Variants in ADARB2 observed in about 807,000 individuals in gnomAD.
The protein encoded by ADARB2 is adenosine deaminase RNA specific B2 (inactive), also known as inactive double-stranded RNA-specific editase B2.
In ADARB2, 25 loss-of-function variants were observed where a neutral mutation model predicts 62.2. The observed-to-expected ratio is 0.40, with a 90% confidence interval of 0.29 to 0.56. The LOEUF is 0.56. Among genes scored for constraint, ADARB2 ranks in the 20% least tolerant of loss-of-function variants. The pLI is 0.43. For missense variants in ADARB2, 1,071 were observed against 1,077.4 expected (o/e 0.99, Z 0.08); for synonymous variants, 572 against 500.8 (o/e 1.14, Z -1.90).
chr10:1,633,560 C>CTATCTA (rs1554776942), intron 1 of ADARB2, among the ~76,000 whole-genome samples: 6 of 135,304 alleles, frequency 4.4e-5, no homozygotes, highest in African/African-American at 1.4e-4. Flanking sequence ...ATCTATCTAT[C>CTATCTA]TATCTATCTA....
chr10:1,601,398 A>G (rs1019778856), intron 1 of ADARB2, among the ~76,000 whole-genome samples: 13 of 152,242 alleles, frequency 8.5e-5, no homozygotes, highest in Non-Finnish European at 1.6e-4. Context: ...CCCTTCTCAC[A>G]GTAAACGGTT....
chr10:1,718,696 G>T (rs1297043228), intron 1 of ADARB2, among the ~76,000 whole-genome samples: 1 of 152,148 alleles, frequency 6.6e-6, no homozygotes, highest in Non-Finnish European at 1.5e-5. Flanking sequence ...TACCTAGGGG[G>T]GCAGCACGAC....
chr10:1,442,488 CA>C (rs1830918450), intron 1 of ADARB2, among the ~76,000 whole-genome samples: 1 of 152,142 alleles, frequency 6.6e-6, no homozygotes, highest in Non-Finnish European at 1.5e-5. Context: ...ACTGAAAAAA[CA>C]AAAACATCCA....
chr10:1,655,157 G>T (rs1374481998), intron 1 of ADARB2, among the ~76,000 whole-genome samples: 1 of 152,210 alleles, frequency 6.6e-6, no homozygotes, highest in African/African-American at 2.4e-5. Flanking sequence ...TCTGTAGGGT[G>T]TCCCCTGAGC....
intron 3 of ADARB2, among the ~76,000 whole-genome samples, chr10:1,288,007 G>A (rs978501356): frequency 7.9e-5 from 12 of 152,210 alleles, no homozygotes; most frequent in South Asian, 2.1e-4. Flanking sequence ...TCCACTGAGT[G>A]TGCATGGTGG....
Position 1,251,055 on chromosome 10 carries a change from C to T in ADARB2, c.1193-8756G>A, listed in dbSNP as rs147772459. On this transcript the variant is annotated intron_variant, in intron 4 of 9. Coordinates refer to ENST00000381312, the MANE Select transcript of ADARB2 (RefSeq NM_018702.4). ...AGTCATCTGAGAAATAAAATTGCAT[C>T]TTTATCTGACACCATGTACCAGAGT... is the stretch of plus-strand genomic sequence containing the variant. Among the ~76,000 whole-genome samples, 295 of 152,340 alleles carry T rather than the reference C, an allele frequency of 1.9e-3. 2 individuals are homozygous for T. The highest frequency in any genetic ancestry group is 6.4e-3 in the African/African-American group (268 of 41,576).
intron 1 of ADARB2, among the ~76,000 whole-genome samples, chr10:1,562,786 G>A (rs532971422): frequency 3.3e-5 from 5 of 152,234 alleles, no homozygotes; most frequent in Non-Finnish European, 7.3e-5. Context: ...GACAGCCAAG[G>A]TCAGGCCTTT....
intron 1 of ADARB2, among the ~76,000 whole-genome samples, chr10:1,695,868 A>G (rs1834735579): frequency 6.6e-6 from 1 of 152,104 alleles, no homozygotes; most frequent in East Asian, 1.9e-4. Flanking sequence ...ATGTACACAC[A>G]CATGCATGAG....
At chr10:1,561,439 A>G (rs374839822) in intron 1 of ADARB2, among the ~76,000 whole-genome samples, 2 of 152,208 alleles carry the variant, frequency 1.3e-5, no homozygotes, top group Non-Finnish European at 2.9e-5. Flanking sequence ...TTCAACAACT[A>G]TTTCCTGAGG....
At chr10:1,336,020 A>T (rs1831972551) in intron 3 of ADARB2, among the ~76,000 whole-genome samples, 1 of 152,232 alleles carries the variant, frequency 6.6e-6, no homozygotes, top group Non-Finnish European at 1.5e-5. Context: ...ATTAGCTCTT[A>T]TTCAAAAATA....
At chr10:1,487,379 G>A (rs1254082314) in intron 1 of ADARB2, among the ~76,000 whole-genome samples, 1 of 152,220 alleles carries the variant, frequency 6.6e-6, no homozygotes, top group East Asian at 1.9e-4. Flanking sequence ...CTCGTAAACA[G>A]AATTTGGCAA....
chr10:1,268,812 G>A (rs967548048), intron 4 of ADARB2, among the ~76,000 whole-genome samples: 21 of 152,196 alleles, frequency 1.4e-4, no homozygotes, highest in Non-Finnish European at 2.5e-4. Context: ...TCATTTTCAT[G>A]TAGTAAATTT....
Position 1,737,141 on chromosome 10 carries a change from C to T in ADARB2, c.10G>A (p.Val4Ile). The change falls in exon 1 of 10, where the codon GTC becomes ATC. Residue 4 changes from valine to isoleucine, a missense_variant. By Grantham distance (29) the Val-to-Ile change is conservative. Transcript: ENST00000381312. The part of the protein sequence containing the change: MAS[V>I]LGSGRGSGGL... ...CCAGACCCTCTGCCGCTCCCCAGGA[C>T]CGAGGCCATGGCCGAGACCCAGGCG... is the stretch of plus-strand genomic sequence containing the variant. 1 of 1,608,258 alleles carries T rather than the reference C, an allele frequency of 6.2e-7. No homozygotes were observed. Among genetic ancestry groups the T allele is most frequent in the Non-Finnish European group, 8.5e-7 (1 of 1,179,878 alleles).
intron 1 of ADARB2, among the ~76,000 whole-genome samples, chr10:1,559,385 G>C (rs1182134665): frequency 6.6e-6 from 1 of 152,180 alleles, no homozygotes; most frequent in Non-Finnish European, 1.5e-5. Flanking sequence ...GTCTCTCTAA[G>C]ATCCTGCAAG....
At chr10:1,253,538 A>G (rs1296193689) in intron 4 of ADARB2, among the ~76,000 whole-genome samples, 4 of 152,246 alleles carry the variant, frequency 2.6e-5, no homozygotes. Flanking sequence ...CCATTCATTC[A>G]GTGGGCATTA....
intron 1 of ADARB2, among the ~76,000 whole-genome samples, chr10:1,526,086 A>G (rs541943218): frequency 2.6e-5 from 4 of 152,330 alleles, no homozygotes; most frequent in South Asian, 2.1e-4. Flanking sequence ...GGGACAGGGC[A>G]TGTCCTAGGT....
chr10:1,194,747 T>A (rs1836886739), intron 8 of ADARB2, among the ~76,000 whole-genome samples: 2 of 152,212 alleles, frequency 1.3e-5, no homozygotes, highest in Admixed American at 1.3e-4. Context: ...GTTCTGTTTT[T>A]TTCTGAGCTT....
In ADARB2 at chr10:1,520,144, C is replaced by T. The variant is rs149464224; in HGVS notation, c.101-140984G>A. On this transcript the variant is annotated intron_variant, in intron 1 of 9. Coordinates refer to ENST00000381312, the MANE Select transcript of ADARB2 (RefSeq NM_018702.4). The stretch of plus-strand genomic sequence containing the variant: ...AAAAACTAAATTAAGTGTATCCATA[C>T]ACAGGAGCATATGCGGTTTTAACTT... Among the ~76,000 whole-genome samples the T allele has an allele frequency of 5.6e-3, 852 of 152,320 alleles. 8 individuals carry two copies. Among genetic ancestry groups the T allele is most frequent in the Middle Eastern group, 0.034 (10 of 294 alleles).
At position 1,200,081 on chromosome 10, in the gene ADARB2, G is replaced by A. The variant is rs1836964178; in HGVS notation, c.1749C>T (p.Ser583=). ...SHFVEPVYLQ[S]IVVGSLHHTG... Reference sequence around the variant, plus strand: ...TGTGGTGCAGGCTGCCCACCACGATGCTCTGCAGGTACACGGGCTCCACGA... The same window carrying A: ...TGTGGTGCAGGCTGCCCACCACGATACTCTGCAGGTACACGGGCTCCACGA... The change falls in exon 8 of 10, where the codon AGC becomes AGT. Residue 583 remains serine (S), a synonymous_variant. Coordinates refer to ENST00000381312, the MANE Select transcript of ADARB2 (RefSeq NM_018702.4). The A allele has an allele frequency of 3.2e-6, 5 of 1,576,576 alleles. No individual in the cohort carries two copies. Among genetic ancestry groups the A allele is most frequent in the Admixed American group, 1.8e-5 (1 of 55,072 alleles).
Sources: gnomAD v4.1 joint callset for allele counts (sites outside exome capture counted in the v4.1 genomes callset) on GRCh38, gnomAD v4.1.1 for gene constraint, MANE v1.5 for transcripts, NCBI Gene and HGNC (gene_info 2026-07-23, HGNC 2026-07-21) for gene names.